DMD: variants seen among roughly 807,000 people sequenced by gnomAD.
The protein encoded by DMD is mutant dystrophin.
A neutral mutation model predicts 330.1 loss-of-function variants in DMD; 63 were observed. The observed-to-expected ratio is 0.19, with a 90% CI of 0.16 to 0.24. DMD has a LOEUF of 0.24. Among genes scored for constraint, DMD ranks in the 10% least tolerant of loss-of-function variants. The pLI is 1.00. For synonymous variants in DMD, 1,223 were observed against 959.8 expected, an observed-to-expected ratio of 1.27 and a Z score of -5.07; for missense variants, 3,344 against 2,684.1, an observed-to-expected ratio of 1.25 and a Z score of -5.43.
At chrX:31,334,723 C>A (rs1041105362) in intron 61 of DMD, among the ~76,000 whole-genome samples, 2 of 112,115 alleles carry the variant, frequency 1.8e-5, no homozygotes, top group African/African-American at 6.5e-5. Flanking sequence ...GACTTCCCTT[C>A]TCACAAAGCA....
intron 52 of DMD, among the ~76,000 whole-genome samples, chrX:31,696,716 G>A (rs2083470717): frequency 8.9e-6 from 1 of 112,060 alleles, no homozygotes. Flanking sequence ...GGTGTCACGT[G>A]TGAAATATGT....
chrX:32,824,377 A>G (rs1300153439), intron 4 of DMD, among the ~76,000 whole-genome samples: 2 of 112,271 alleles, frequency 1.8e-5, no homozygotes, highest in Non-Finnish European at 3.8e-5. Flanking sequence ...TAGATAAACA[A>G]ACCATAGTAC....
rs5972417 is a variant in DMD at position 31,609,785 on chromosome X, C to T, written c.8217+17888G>A. Among the ~76,000 whole-genome samples the T allele has an allele frequency of 0.017, 1,892 of 111,499 alleles. 19 individuals are homozygous for T. The highest frequency in any genetic ancestry group is 0.037 in the East Asian group (129 of 3,518). On this transcript the variant is annotated intron_variant, in intron 55 of 78. Coordinates refer to ENST00000357033, the MANE Select transcript of DMD (RefSeq NM_004006.3). Reference sequence around the variant, plus strand: ...TTCAACTCCTCTGCCCCTACCTAAACTCATTTTGAGACTCTCACATGGTAG... The same window carrying T: ...TTCAACTCCTCTGCCCCTACCTAAATTCATTTTGAGACTCTCACATGGTAG...
At chrX:31,481,537 A>G (rs1197799106) in intron 57 of DMD, among the ~76,000 whole-genome samples, 1 of 111,812 alleles carries the variant, frequency 8.9e-6, no homozygotes, top group Admixed American at 9.5e-5. Flanking sequence ...AGAAACAAGA[A>G]TGACACTTAG....
At chrX:31,654,959 A>T (rs968353109) in intron 54 of DMD, among the ~76,000 whole-genome samples, 2 of 111,872 alleles carry the variant, frequency 1.8e-5, no homozygotes, top group Non-Finnish European at 3.8e-5. Flanking sequence ...AAATAGAAAA[A>T]ATCAGGCAGA....
At chrX:31,999,235 A>G (rs1388108336) in intron 44 of DMD, among the ~76,000 whole-genome samples, 1 of 111,772 alleles carries the variant, frequency 8.9e-6, no homozygotes, top group Non-Finnish European at 1.9e-5. Flanking sequence ...AATTTATAAT[A>G]CCAGCTAATA....
intron 62 of DMD, among the ~76,000 whole-genome samples, chrX:31,305,550 T>A (rs2054965184): frequency 8.9e-6 from 1 of 111,768 alleles, no homozygotes; most frequent in African/African-American, 3.2e-5. Context: ...TTTATCTAGA[T>A]CTTATCTAAC....
intron 47 of DMD, among the ~76,000 whole-genome samples, chrX:31,896,721 T>G (rs1401550422): frequency 9.0e-6 from 1 of 111,234 alleles, no homozygotes; most frequent in Non-Finnish European, 1.9e-5. Context: ...GTATAGGCAT[T>G]GCAAATCTCT....
At chrX:31,379,288 C>A (rs2060039186) in intron 60 of DMD, among the ~76,000 whole-genome samples, 1 of 111,277 alleles carries the variant, frequency 9.0e-6, no homozygotes, top group African/African-American at 3.3e-5. Context: ...CCATGACTAG[C>A]CCTCCCCCAC....
chrX:32,701,185 T>G (rs1320154801), intron 7 of DMD, among the ~76,000 whole-genome samples: 2 of 111,876 alleles, frequency 1.8e-5, no homozygotes, highest in East Asian at 2.8e-4. Flanking sequence ...ACTGCTAGTC[T>G]GCTACATTTT....
At chrX:33,112,414 T>G (rs2095346622) in intron 1 of DMD, among the ~76,000 whole-genome samples, 1 of 111,954 alleles carries the variant, frequency 8.9e-6, no homozygotes, top group Non-Finnish European at 1.9e-5. Context: ...AATGAGTCTG[T>G]GTTAATCTTC....
chrX:32,773,394 T>C (rs2073826137), intron 7 of DMD, among the ~76,000 whole-genome samples: 1 of 111,898 alleles, frequency 8.9e-6, no homozygotes, highest in Non-Finnish European at 1.9e-5. Context: ...GCATTTATCA[T>C]TTATGTTAGC....
Position 31,187,716 on chromosome X carries a change from TCA to T in DMD, c.9808-4814_9808-4813del, listed in dbSNP as rs1491523095. On this transcript the variant is annotated intron_variant, in intron 67 of 78. Transcript: ENST00000357033. Reference sequence around the variant, plus strand: ...TCAGCTCTGGAATCTTCCCAGATTCTCAGAGAGAGAGAGAGAGAGAGAGAGAG... The same window carrying T: ...TCAGCTCTGGAATCTTCCCAGATTCTGAGAGAGAGAGAGAGAGAGAGAGAG... Among the ~76,000 whole-genome samples, 186 of 76,609 alleles carry T rather than the reference TCA, an allele frequency of 2.4e-3. 11 individuals carry two copies. The highest frequency in any genetic ancestry group is 0.015 in the Admixed American group (87 of 5,664). 66.5% of individuals were successfully genotyped at this position (76,609 alleles called of 115,157 possible).
chrX:31,413,715 T>G (rs928047208), intron 60 of DMD, among the ~76,000 whole-genome samples: 1 of 111,858 alleles, frequency 8.9e-6, no homozygotes, highest in Non-Finnish European at 1.9e-5. Context: ...TATTGAAACA[T>G]CACCAAATTT....
intron 1 of DMD, among the ~76,000 whole-genome samples, chrX:33,314,604 T>C (rs1455177648): frequency 1.0e-5 from 1 of 97,680 alleles, no homozygotes; most frequent in African/African-American, 3.8e-5. Context: ...CTTAGAGTTC[T>C]GGACTAAAAC....
intron 7 of DMD, among the ~76,000 whole-genome samples, chrX:32,783,148 C>T (rs927429024): frequency 3.2e-5 from 3 of 93,984 alleles, no homozygotes; most frequent in Admixed American, 1.2e-4. Flanking sequence ...TATATATATA[C>T]CATATATATA....
chrX:31,467,709 C>T (rs7066428), intron 59 of DMD, among the ~76,000 whole-genome samples: 13,095 of 111,034 alleles, frequency 0.12, 641 homozygotes, highest in East Asian at 0.24. Context: ...TCCCTCTTTT[C>T]CTATTGTTTA....
At position 32,821,567 on chromosome X, in the gene DMD, G is replaced by C. The variant is rs1010130589; in HGVS notation, c.357+1728C>G. Among the ~76,000 whole-genome samples the C allele has an allele frequency of 2.8e-5, 3 of 108,306 alleles. No individual in the cohort carries two copies. In the East Asian group the frequency reaches 8.7e-4, roughly 31 times the overall value. 94.1% of individuals were successfully genotyped at this position (108,306 alleles called of 115,157 possible). ...CGCGCCACTGCACTCCAGCCTGGGC[G>C]ACAGAGCAAGACTCTGTCTCAAAAT... is the stretch of plus-strand genomic sequence containing the variant. On this transcript the variant is annotated intron_variant, in intron 5 of 78. Transcript: ENST00000357033.
intron 38 of DMD, among the ~76,000 whole-genome samples, chrX:32,346,569 C>T (rs778974274): frequency 9.0e-6 from 1 of 111,471 alleles, no homozygotes; most frequent in South Asian, 3.7e-4. Flanking sequence ...TAATTCCTAT[C>T]TAATAACTCC....
Sources: gnomAD v4.1 joint callset for allele counts (sites outside exome capture counted in the v4.1 genomes callset) on GRCh38, gnomAD v4.1.1 for gene constraint, MANE v1.5 for transcripts, NCBI Gene and HGNC (gene_info 2026-07-23, HGNC 2026-07-21) for gene names.